Variants in DNAJA3 observed in about 807,000 individuals in gnomAD.
DNAJA3 encodes DnaJ heat shock protein family (Hsp40) member A3, also known as dnaJ homolog subfamily A member 3, mitochondrial.
Under a neutral mutation model 54.9 loss-of-function variants are expected in DNAJA3, and 29 were observed. The ratio of observed to expected loss-of-function variants is 0.53; its 90% CI spans 0.39 to 0.72. The LOEUF (loss-of-function observed/expected upper bound fraction) is 0.72. DNAJA3 is among the 30% of genes least tolerant of loss of function. The pLI is 0.00. For missense variants in DNAJA3, 708 were observed against 639.4 expected (o/e 1.11, Z -1.16); for synonymous variants, 302 against 251.4 (o/e 1.20, Z -1.90).
In DNAJA3 at chr16:4,434,299, G is replaced by A; in HGVS notation, c.212-85G>A. The A allele has an allele frequency of 8.2e-6, 12 of 1,472,158 alleles. No homozygotes were observed. In the South Asian group the frequency reaches 1.4e-4, roughly 17 times the overall value. The allele number at this position is 1,472,158 out of a possible 1,614,324, so 91.2% of individuals were successfully genotyped here. ...TTATCAGTTTGTTTGTTCCTTCACA[G>A]ATATAGCCTGGTGGGTCATGTACTC... On this transcript the variant is annotated intron_variant, in intron 1 of 11. Coordinates refer to ENST00000262375, the MANE Select transcript of DNAJA3 (RefSeq NM_005147.6).
chr16:4,437,001 C>T (rs1305278513), intron 2 of DNAJA3, among the ~76,000 whole-genome samples: 3 of 152,080 alleles, frequency 2.0e-5, no homozygotes, highest in Non-Finnish European at 2.9e-5. Context: ...GACAGAATCT[C>T]ACTCCGTCAC....
rs375898503 is a variant in DNAJA3 at position 4,442,342 on chromosome 16, G to A, written c.705G>A (p.Thr235=). 8 of 1,610,540 alleles carry A rather than the reference G, an allele frequency of 5.0e-6. No individual in the cohort carries two copies. Among genetic ancestry groups the A allele is most frequent in the East Asian group, 4.5e-5 (2 of 44,674 alleles). Residue 235 remains threonine (T), a synonymous_variant, in exon 5 of 12, where the codon ACG becomes ACA. Coordinates refer to ENST00000262375, the MANE Select transcript of DNAJA3 (RefSeq NM_005147.6). ...NKEFTVNIMD[T]CERCNGKGNE... ...AGTTCACCGTGAACATCATGGACAC[G>A]TGTGAGCGCTGCAACGGCAAGGGGA...
chr16:4,426,474 C>T (rs1217028588), intron 1 of DNAJA3, among the ~76,000 whole-genome samples: 1 of 152,182 alleles, frequency 6.6e-6, no homozygotes, highest in Non-Finnish European at 1.5e-5. Context: ...TACAACAACC[C>T]TGCAAGATGC....
chr16:4,441,518 C>G lies in DNAJA3; in HGVS notation c.573C>G (p.Gly191=). The G allele has an allele frequency of 1.2e-6, 2 of 1,614,168 alleles. No individual in the cohort carries two copies. Among genetic ancestry groups the G allele is most frequent in the Non-Finnish European group, 1.7e-6 (2 of 1,180,026 alleles). ...AGGAGCTGTTCAGGAAGATCTTTGG[C>G]GAGTTCTCATCCTCTTCATTTGGAG... ...DPEELFRKIF[G]EFSSSSFGDF... The change falls in exon 4 of 12, where the codon GGC becomes GGG. Residue 191 remains glycine (G), a synonymous_variant. Transcript: ENST00000262375.
chr16:4,439,326 A>G (rs2056811841), intron 3 of DNAJA3, among the ~76,000 whole-genome samples: 1 of 151,670 alleles, frequency 6.6e-6, no homozygotes, highest in Non-Finnish European at 1.5e-5. Context: ...ATTGTACTCC[A>G]GCCTGGGCAA....
chr16:4,430,170 A>G (rs1360854807), intron 1 of DNAJA3, among the ~76,000 whole-genome samples: 1 of 151,944 alleles, frequency 6.6e-6, no homozygotes, highest in Non-Finnish European at 1.5e-5. Flanking sequence ...TGAAAAGGTC[A>G]TTAACTCAGC....
At chr16:4,434,170 C>T (rs191018280) in intron 1 of DNAJA3, 10 of 544,162 alleles carry the variant, frequency 1.8e-5, no homozygotes, top group East Asian at 1.3e-4. Context: ...TGGAGGTAAC[C>T]GCTCCTGTGA....
intron 7 of DNAJA3, among the ~76,000 whole-genome samples, chr16:4,445,529 C>A (rs972971364): frequency 6.6e-6 from 1 of 152,106 alleles, no homozygotes; most frequent in East Asian, 1.9e-4. Context: ...CAAGACTCAC[C>A]GGTGTTTATG....
chr16:4,446,387 G>T (rs897789219), intron 7 of DNAJA3, among the ~76,000 whole-genome samples: 1 of 151,408 alleles, frequency 6.6e-6, no homozygotes, highest in Non-Finnish European at 1.5e-5. Flanking sequence ...GGGATTACAG[G>T]GGCCCGCCAC....
chr16:4,455,613 C>T lies in DNAJA3; in HGVS notation c.*81C>T, dbSNP rs760916780. 13 of 1,550,520 alleles carry T rather than the reference C, an allele frequency of 8.4e-6. No individual in the cohort carries two copies. The highest frequency in any genetic ancestry group is 1.0e-5 in the Non-Finnish European group (12 of 1,145,958). On this transcript the variant is annotated 3_prime_UTR_variant, in exon 12 of 12. Coordinates refer to ENST00000262375, the MANE Select transcript of DNAJA3 (RefSeq NM_005147.6). ...TCCAAGGGCCAGGGCACCTGGGAGA[C>T]GGGAGGATTCCAGAACAGCAGCACT...
chr16:4,437,138 T>C (rs1419549202), intron 2 of DNAJA3, among the ~76,000 whole-genome samples: 2 of 152,120 alleles, frequency 1.3e-5, no homozygotes, highest in Non-Finnish European at 2.9e-5. Context: ...GCCTGACTAA[T>C]TTTTTCTATT....
Position 4,455,693 on chromosome 16 carries a change from C to A in DNAJA3, c.*161C>A. 1 of 1,063,312 alleles carries A rather than the reference C, an allele frequency of 9.4e-7. No homozygotes were observed. The highest frequency in any genetic ancestry group is 1.4e-6 in the Non-Finnish European group (1 of 712,024). 65.9% of individuals were successfully genotyped at this position (1,063,312 alleles called of 1,614,324 possible). Reference sequence around the variant, plus strand: ...CCTTGGCAACAGCAAAATCATGGGACAACACCTCTCTCCACGGAAAGGTCA... The same window carrying A: ...CCTTGGCAACAGCAAAATCATGGGAAAACACCTCTCTCCACGGAAAGGTCA... On this transcript the variant is annotated 3_prime_UTR_variant, in exon 12 of 12. Coordinates refer to ENST00000262375, the MANE Select transcript of DNAJA3 (RefSeq NM_005147.6).
At position 4,441,555 on chromosome 16, in the gene DNAJA3, G is replaced by A. The variant is rs1462232603; in HGVS notation, c.610G>A (p.Val204Met). 1.7e-5 allele frequency: 28 copies of A among 1,613,982 alleles called. No homozygotes were observed. Among genetic ancestry groups the A allele is most frequent in the South Asian group, 2.2e-5 (2 of 91,090 alleles). Residue 204 changes from valine (V) to methionine (M), a missense_variant, in exon 4 of 12, where the codon GTG (valine) becomes ATG (methionine). By Grantham distance (21) the Val-to-Met change is conservative. Transcript: ENST00000262375. ...CTCTTCATTTGGAGATTTCCAGACC[G>A]TGTTTGATCAGCCTCAGGAAGTAAG... ...SSSSFGDFQTVFDQPQEYFME... is the reference protein window; with the variant it reads ...SSSSFGDFQTMFDQPQEYFME...
intron 3 of DNAJA3, chr16:4,437,744 G>T: frequency 6.4e-6 from 2 of 312,672 alleles, no homozygotes; most frequent in Non-Finnish European, 1.2e-5. Flanking sequence ...GACCCTAGGA[G>T]TTTGAGACCA....
chr16:4,440,534 T>C (rs2056825665), intron 3 of DNAJA3: 1 of 149,272 alleles, frequency 6.7e-6, no homozygotes, highest in African/African-American at 2.5e-5. Flanking sequence ...GAGGTTGCAG[T>C]GAGCCGAGAT....
At chr16:4,433,545 T>G (rs2056733531) in intron 1 of DNAJA3, among the ~76,000 whole-genome samples, 2 of 152,212 alleles carry the variant, frequency 1.3e-5, no homozygotes, top group African/African-American at 2.4e-5. Flanking sequence ...TGTGTTTTCA[T>G]CAGTCTAATG....
intron 9 of DNAJA3, 67 bp from the exon 10 acceptor site, chr16:4,450,333 C>A: frequency 7.3e-7 from 1 of 1,361,558 alleles, no homozygotes; most frequent in South Asian, 1.3e-5. Flanking sequence ...AGGGTGCTGG[C>A]TGCCTGTGAG....
At chr16:4,448,237 G>A (rs1259118328) in intron 8 of DNAJA3, among the ~76,000 whole-genome samples, 1 of 150,920 alleles carries the variant, frequency 6.6e-6, no homozygotes, top group East Asian at 2.0e-4. Context: ...ATGTTGGCCA[G>A]GAAGGTCTCA....
intron 1 of DNAJA3, among the ~76,000 whole-genome samples, chr16:4,432,582 TCCGC>T (rs2056718208): frequency 6.6e-6 from 1 of 151,944 alleles, no homozygotes; most frequent in Non-Finnish European, 1.5e-5. Flanking sequence ...CCTCAGGTGA[TCCGC>T]CCGCCTTGGC....
Sources: gnomAD v4.1 joint callset for allele counts (sites outside exome capture counted in the v4.1 genomes callset) on GRCh38, gnomAD v4.1.1 for gene constraint, MANE v1.5 for transcripts, NCBI Gene and HGNC (gene_info 2026-07-23, HGNC 2026-07-21) for gene names.